KDM5A: variants seen among roughly 807,000 people sequenced by gnomAD.
KDM5A encodes lysine demethylase 5A, also known as lysine-specific demethylase 5A.
In KDM5A, 42 loss-of-function variants were observed where a neutral mutation model predicts 193.5. The observed-to-expected ratio is 0.22, with a 90% CI of 0.17 to 0.28. The LOEUF is 0.28. Ranked by LOEUF, KDM5A falls within the 10% of genes least tolerant of loss-of-function variation. The probability of loss-of-function intolerance (pLI) is 1.00; values close to 1 mark genes in which losing one functional copy is unlikely to be tolerated. For missense variants in KDM5A, 1,692 were observed against 2,055.1 expected, an observed-to-expected ratio of 0.82 and a Z score of 3.42; for synonymous variants, 796 against 718.1, an observed-to-expected ratio of 1.11 and a Z score of -1.73.
chr12:289,714 CAA>C (rs774919490), intron 27 of KDM5A, among the ~76,000 whole-genome samples: 18 of 79,068 alleles, frequency 2.3e-4, no homozygotes, highest in Admixed American at 4.5e-4. Context: ...GACCCTGTCT[CAA>C]AAAAAAAAAA....
At chr12:333,425 A>G in intron 12 of KDM5A, 62 bp downstream of exon 12, 2 of 1,593,794 alleles carry the variant, frequency 1.3e-6, no homozygotes, top group Non-Finnish European at 1.7e-6. Context: ...TTTCAAAAAA[A>G]AAGAAAAAAG....
chr12:358,046 T>C (rs1944248528), intron 5 of KDM5A, among the ~76,000 whole-genome samples: 1 of 152,138 alleles, frequency 6.6e-6, no homozygotes, highest in Non-Finnish European at 1.5e-5. Flanking sequence ...CTGAAAATCT[T>C]ATGTAAAAAT....
intron 27 of KDM5A, among the ~76,000 whole-genome samples, chr12:288,692 T>TA (rs1943251860): frequency 6.6e-6 from 1 of 152,244 alleles, no homozygotes; most frequent in South Asian, 2.1e-4. Context: ...CCAAGTTTCC[T>TA]AGCAAAAGCT....
At chr12:359,999 G>A (rs1476516910) in intron 5 of KDM5A, among the ~76,000 whole-genome samples, 1 of 151,984 alleles carries the variant, frequency 6.6e-6, no homozygotes, top group Admixed American at 6.6e-5. Flanking sequence ...ATTTGGGCCG[G>A]GTGTGATGGC....
chr12:354,709 G>A (rs1944209649), intron 7 of KDM5A, among the ~76,000 whole-genome samples: 2 of 152,018 alleles, frequency 1.3e-5, no homozygotes, highest in Non-Finnish European at 2.9e-5. Flanking sequence ...GGAGCTTGCA[G>A]TGAGCCGAGA....
intron 10 of KDM5A, among the ~76,000 whole-genome samples, chr12:348,933 C>A (rs1435798342): frequency 1.3e-5 from 2 of 149,514 alleles, no homozygotes; most frequent in Non-Finnish European, 3.0e-5. Flanking sequence ...AAAAAAAAAA[C>A]CTTATGGTGT....
Position 315,113 on chromosome 12 carries a change from C to T in KDM5A, c.2898-1919G>A, listed in dbSNP as rs74055621. ...AAGCTTGTCTTGTCTAGGCAAGCTA[C>T]GACAGCAGCCTGAGTGGAATGAGAG... On this transcript the variant is annotated intron_variant, in intron 19 of 27. Transcript: ENST00000399788. Among the ~76,000 whole-genome samples, 542 of 152,216 alleles carry T rather than the reference C, an allele frequency of 3.6e-3. 3 individuals carry two copies. The highest frequency in any genetic ancestry group is 0.012 in the African/African-American group (510 of 41,524).
chr12:370,187 G>C (rs151263596), intron 3 of KDM5A, among the ~76,000 whole-genome samples: 4,429 of 152,300 alleles, frequency 0.029, 83 homozygotes, highest in Middle Eastern at 0.044. Flanking sequence ...GAGGTCGAGA[G>C]TTCGAAACCA....
At chr12:337,375 A>G (rs1943947636) in intron 10 of KDM5A, among the ~76,000 whole-genome samples, 1 of 152,210 alleles carries the variant, frequency 6.6e-6, no homozygotes, top group Non-Finnish European at 1.5e-5. Context: ...TGAGCTTTGA[A>G]GGATAGATAA....
chr12:352,421 T>A (rs2137451823), intron 8 of KDM5A, 97 bp from the exon 9 acceptor site: 1 of 1,091,414 alleles, frequency 9.2e-7, no homozygotes, highest in Non-Finnish European at 1.4e-6. Context: ...TTTCCCTAGG[T>A]AAAGTAAATC....
chr12:363,646 A>G (rs979521939), intron 4 of KDM5A, among the ~76,000 whole-genome samples: 1 of 152,212 alleles, frequency 6.6e-6, no homozygotes, highest in African/African-American at 2.4e-5. Context: ...TGCATCACTG[A>G]CCAAAATATA....
At chr12:343,890 T>C (rs1159908373) in intron 10 of KDM5A, among the ~76,000 whole-genome samples, 1 of 152,116 alleles carries the variant, frequency 6.6e-6, no homozygotes, top group African/African-American at 2.4e-5. Context: ...TTGCCAGCAA[T>C]GGAACAAAGC....
At chr12:352,164 T>C (rs780897496) in intron 9 of KDM5A, 41 bp downstream of exon 9, 7 of 1,543,076 alleles carry the variant, frequency 4.5e-6, no homozygotes, top group Non-Finnish European at 4.5e-6. Flanking sequence ...CAGGTAAATC[T>C]TTGTACCTCC....
intron 4 of KDM5A, among the ~76,000 whole-genome samples, chr12:364,490 A>T (rs1944329039): frequency 1.4e-5 from 2 of 146,848 alleles, no homozygotes; most frequent in African/African-American, 2.5e-5. Context: ...AAAAAAAAAA[A>T]TTTACACATA....
At chr12:373,249 A>AT (rs1367875697) in intron 3 of KDM5A, among the ~76,000 whole-genome samples, 1 of 152,066 alleles carries the variant, frequency 6.6e-6, no homozygotes, top group Non-Finnish European at 1.5e-5. Context: ...GTAGGCTATT[A>AT]ATTATTGCCT....
chr12:341,353 T>C (rs929905653), intron 10 of KDM5A, among the ~76,000 whole-genome samples: 2 of 152,178 alleles, frequency 1.3e-5, no homozygotes, highest in East Asian at 3.9e-4. Context: ...ACCATCCCCA[T>C]ATAATCTAGG....
At chr12:298,113 C>A (rs754475274) in intron 24 of KDM5A, among the ~76,000 whole-genome samples, 1 of 152,154 alleles carries the variant, frequency 6.6e-6, no homozygotes, top group Non-Finnish European at 1.5e-5. Context: ...CGGCTGTGGG[C>A]GCAGCTTCAG....
chr12:302,940 G>C (rs1272848611), intron 24 of KDM5A, among the ~76,000 whole-genome samples: 1 of 152,180 alleles, frequency 6.6e-6, no homozygotes, highest in East Asian at 1.9e-4. Flanking sequence ...TGTCGCTAGA[G>C]AATTGCAAAT....
intron 1 of KDM5A, 118 bp downstream of exon 1, chr12:388,809 G>T: frequency 7.9e-7 from 1 of 1,262,034 alleles, no homozygotes; most frequent in Non-Finnish European, 1.2e-6. Context: ...ACAGGCTCCA[G>T]TTGTCTCAAA....
Sources: gnomAD v4.1 joint callset for allele counts (sites outside exome capture counted in the v4.1 genomes callset) on GRCh38, gnomAD v4.1.1 for gene constraint, MANE v1.5 for transcripts, NCBI Gene and HGNC (gene_info 2026-07-23, HGNC 2026-07-21) for gene names.